MTHFSD: variants seen among roughly 807,000 people sequenced by gnomAD.
MTHFSD encodes the protein methenyltetrahydrofolate synthase domain-containing protein.
In MTHFSD, 37 loss-of-function variants were observed where a neutral mutation model predicts 31.1. The ratio of observed to expected loss-of-function variants is 1.19; its 90% CI spans 0.91 to 1.56. The LOEUF (loss-of-function observed/expected upper bound fraction) is 1.56. MTHFSD is among the 40% of genes most tolerant of loss of function. The probability of loss-of-function intolerance (pLI) is 0.00; values close to 1 mark genes in which losing one functional copy is unlikely to be tolerated. For missense variants in MTHFSD, 664 were observed against 510.1 expected, an observed-to-expected ratio of 1.30 and a Z score of -2.91; for synonymous variants, 221 against 206.9, an observed-to-expected ratio of 1.07 and a Z score of -0.59.
chr16:86,544,180 C>T (rs73272404), intron 5 of MTHFSD, among the ~76,000 whole-genome samples: 6,607 of 152,234 alleles, frequency 0.043, 478 homozygotes, highest in African/African-American at 0.15. Context: ...CTCCCTGGTC[C>T]ATGGAAAAAT....
Position 86,542,300 on chromosome 16 carries a change from A to C in MTHFSD, c.443-87T>G. On this transcript the variant is annotated intron_variant, in intron 5 of 7. Transcript: ENST00000360900. This position sits in a 1 kb window ranked among gnomAD's most constrained non-coding sequence, Gnocchi z 4.6. ...TTCCATCAGGTCCAGTGGAAGAAGA[A>C]ACTTGAACCCAATATCCCGAGCTAA... 8.8e-7 allele frequency: 1 copy of C among 1,131,744 alleles called. No individual in the cohort carries two copies. The highest frequency in any genetic ancestry group is 1.3e-6 in the Non-Finnish European group (1 of 786,964). 70.1% of individuals were successfully genotyped at this position (1,131,744 alleles called of 1,614,324 possible).
chr16:86,538,443 T>C (rs1971019349), intron 7 of MTHFSD, among the ~76,000 whole-genome samples: 1 of 152,158 alleles, frequency 6.6e-6, no homozygotes, highest in African/African-American at 2.4e-5. Flanking sequence ...CGTTCTTCTG[T>C]TGTCAGTGAC....
intron 3 of MTHFSD, 66 bp from the exon 4 acceptor site, chr16:86,548,643 A>G: frequency 3.1e-6 from 4 of 1,307,804 alleles, no homozygotes; most frequent in Non-Finnish European, 4.2e-6. Context: ...TCTTATATGT[A>G]TTTTTACCAT....
chr16:86,544,399 C>T (rs1044698202), intron 5 of MTHFSD, among the ~76,000 whole-genome samples: 1 of 152,078 alleles, frequency 6.6e-6, no homozygotes, highest in African/African-American at 2.4e-5. Flanking sequence ...CCCAAACAAC[C>T]CCAATAAAAA....
chr16:86,539,414 C>T (rs897050361), intron 7 of MTHFSD, among the ~76,000 whole-genome samples: 1 of 152,246 alleles, frequency 6.6e-6, no homozygotes, highest in African/African-American at 2.4e-5. Context: ...TAACAGCCTA[C>T]CTCGCATTTG....
At chr16:86,539,640 A>C (rs1971205524) in intron 7 of MTHFSD, among the ~76,000 whole-genome samples, 1 of 152,210 alleles carries the variant, frequency 6.6e-6, no homozygotes, top group Admixed American at 6.5e-5. Flanking sequence ...CAAGCTGAGA[A>C]GAGCCCACCG....
Position 86,542,255 on chromosome 16 carries a change from G to A in MTHFSD, c.443-42C>T, listed in dbSNP as rs200841986. 3.4e-5 allele frequency: 52 copies of A among 1,526,370 alleles called. No individual in the cohort carries two copies. In the African/African-American group the frequency reaches 6.8e-4, roughly 20 times the overall value. 94.6% of individuals were successfully genotyped at this position (1,526,370 alleles called of 1,614,324 possible). A position where few individuals can be genotyped will look rare whatever the true frequency, so the allele number is the denominator to read the frequency against. On this transcript the variant is annotated intron_variant, in intron 5 of 7. Coordinates refer to ENST00000360900, the MANE Select transcript of MTHFSD (RefSeq NM_001159377.2). This position sits in a 1 kb window ranked among gnomAD's most constrained non-coding sequence, Gnocchi z 4.6. ...AATCAGTATCGCTGTGCGGTCCGGG[G>A]CATCGCTGAGAAGTGGATTTTCCAT...
intron 2 of MTHFSD, chr16:86,553,742 G>GCACT (rs1365971352): frequency 6.5e-6 from 1 of 152,840 alleles, no homozygotes; most frequent in Non-Finnish European, 1.5e-5. Context: ...GAGTGCGGGT[G>GCACT]CACTGCACGG....
chr16:86,535,855 A>AT (rs956073145), intron 7 of MTHFSD, among the ~76,000 whole-genome samples: 18 of 149,036 alleles, frequency 1.2e-4, no homozygotes, highest in African/African-American at 3.2e-4. Context: ...AATCCCCCTC[A>AT]TTTTTTTTTT....
At chr16:86,541,270 CTTGA>C in intron 7 of MTHFSD, 1 of 1,180,412 alleles carries the variant, frequency 8.5e-7, no homozygotes, top group Non-Finnish European at 1.1e-6. Context: ...GCTAGATCTG[CTTGA>C]AGATCCAGAT....
chr16:86,548,263 G>C (rs528256438), intron 4 of MTHFSD, among the ~76,000 whole-genome samples: 3 of 152,334 alleles, frequency 2.0e-5, no homozygotes, highest in African/African-American at 7.2e-5. Flanking sequence ...TAGAAACTGA[G>C]TTACAGAAAT....
chr16:86,532,447 AG>A lies in MTHFSD; in HGVS notation c.715del (p.Leu239Ter). ...SLEMMEKIPI[L>X]RSLRAREQQA... ...CTGCTCTCGGGCGCGGAGGCTCCTC[AG>A]TATGGGGATTTTCTCCATCATCTCC... On this transcript the variant is annotated frameshift_variant, in exon 8 of 8. Transcript: ENST00000360900. LOFTEE classifies it low-confidence loss of function (END_TRUNC). 6.9e-7 allele frequency: 1 copy of A among 1,450,322 alleles called. No individual in the cohort carries two copies. 89.8% of individuals were successfully genotyped at this position (1,450,322 alleles called of 1,614,324 possible).
intron 7 of MTHFSD, chr16:86,540,588 A>G (rs1971360638): frequency 6.0e-6 from 5 of 829,498 alleles, no homozygotes; most frequent in Middle Eastern, 6.1e-4. Flanking sequence ...GCCCTTGTGC[A>G]ACCTTCCCAC....
Position 86,542,012 on chromosome 16 carries a change from G to C in MTHFSD, c.555+89C>G. On this transcript the variant is annotated intron_variant, in intron 6 of 7. Coordinates refer to ENST00000360900, the MANE Select transcript of MTHFSD (RefSeq NM_001159377.2). This position sits in a 1 kb window ranked among gnomAD's most constrained non-coding sequence, Gnocchi z 4.6. The stretch of plus-strand genomic sequence containing the variant: ...TCCACACCACTCGCCACACAGCATG[G>C]TTCAGAAGCAGATGAGTCTCCTTCC... The C allele has an allele frequency of 7.2e-7, 1 of 1,389,428 alleles. No homozygotes were observed. The highest frequency in any genetic ancestry group is 1.3e-5 in the South Asian group (1 of 79,368). The allele number at this position is 1,389,428 out of a possible 1,614,324, so 86.1% of individuals were successfully genotyped here.
intron 7 of MTHFSD, among the ~76,000 whole-genome samples, chr16:86,534,864 C>T (rs4843388): frequency 0.22 from 32,920 of 151,650 alleles, 4,163 homozygotes; most frequent in East Asian, 0.35. Flanking sequence ...ATGCACCCTC[C>T]GGGTAAGCAC....
At chr16:86,539,390 T>C (rs1020828112) in intron 7 of MTHFSD, among the ~76,000 whole-genome samples, 2 of 152,196 alleles carry the variant, frequency 1.3e-5, no homozygotes, top group African/African-American at 4.8e-5. Context: ...TCCAGGAAGA[T>C]TTCTCAACTT....
Position 86,532,408 on chromosome 16 carries a change from T to A in MTHFSD, c.755A>T (p.Asp252Val), listed in dbSNP as rs770528614. 1 of 1,519,914 alleles carries A rather than the reference T, an allele frequency of 6.6e-7. No homozygotes were observed. The highest frequency in any genetic ancestry group is 8.8e-7 in the Non-Finnish European group (1 of 1,134,978). 94.2% of individuals were successfully genotyped at this position (1,519,914 alleles called of 1,614,324 possible). A position where few individuals can be genotyped will look rare whatever the true frequency, so the allele number is the denominator to read the frequency against. The change falls in exon 8 of 8, where the codon GAT (aspartate) becomes GTT (valine). Residue 252 changes from aspartate (D) to valine (V), a missense_variant. Asp to Val is a radical substitution (Grantham distance 152). Coordinates refer to ENST00000360900, the MANE Select transcript of MTHFSD (RefSeq NM_001159377.2). Reference sequence around the variant, plus strand: ...CTGGTGCTCACCCTGGAGGGTGACATCCTTCCCAGCCTGCTGCTCTCGGGC... The same window carrying A: ...CTGGTGCTCACCCTGGAGGGTGACAACCTTCCCAGCCTGCTGCTCTCGGGC... ...LRAREQQAGK[D>V]VTLQGEHQHL... is the part of the protein sequence containing the mutation.
At chr16:86,535,158 C>T (rs1970507085) in intron 7 of MTHFSD, 4 of 810,706 alleles carry the variant, frequency 4.9e-6, no homozygotes, top group South Asian at 1.1e-4. Context: ...CTTAACCACA[C>T]ATTATGAGCT....
intron 7 of MTHFSD, among the ~76,000 whole-genome samples, chr16:86,537,377 C>G (rs1597328958): frequency 6.6e-6 from 1 of 152,114 alleles, no homozygotes; most frequent in East Asian, 1.9e-4. Flanking sequence ...ACAAAATATT[C>G]TTTAAAAAGC....
Sources: allele counts gnomAD v4.1 joint callset (sites outside exome capture counted in the v4.1 genomes callset), GRCh38; gene constraint gnomAD v4.1.1; non-coding constraint Gnocchi (gnomAD v3.1); transcripts MANE v1.5; gene names NCBI Gene and HGNC (gene_info 2026-07-23, HGNC 2026-07-21).